NKAIN2: variants seen among roughly 807,000 people sequenced by gnomAD.
NKAIN2 encodes sodium/potassium-transporting ATPase subunit beta-1-interacting protein 2.
In NKAIN2, 14 loss-of-function variants were observed where a neutral mutation model predicts 32.6. That is an observed-to-expected ratio of 0.43 (90% CI 0.28 to 0.67). The LOEUF (loss-of-function observed/expected upper bound fraction) is 0.67, where lower values mean the gene tolerates loss of function less well. Ranked by LOEUF, NKAIN2 falls within the 30% of genes least tolerant of loss-of-function variation. NKAIN2 has a pLI of 0.17. For synonymous variants in NKAIN2, 80 were observed against 87.2 expected, an observed-to-expected ratio of 0.92 and a Z score of 0.46; for missense variants, 198 against 258.3, an observed-to-expected ratio of 0.77 and a Z score of 1.60.
intron 1 of NKAIN2, among the ~76,000 whole-genome samples, chr6:123,949,585 T>G (rs1777230152): frequency 6.6e-6 from 1 of 151,878 alleles, no homozygotes; most frequent in African/African-American, 2.4e-5. Flanking sequence ...ATTGCCTTCT[T>G]GATTTTTTCT....
intron 1 of NKAIN2, among the ~76,000 whole-genome samples, chr6:123,959,971 G>A (rs1777773358): frequency 7.4e-6 from 1 of 135,272 alleles, no homozygotes; most frequent in Non-Finnish European, 1.6e-5. Flanking sequence ...GTGTGTGTGT[G>A]TAACACCATT....
intron 1 of NKAIN2, among the ~76,000 whole-genome samples, chr6:123,930,602 T>C (rs1232069129): frequency 6.6e-6 from 1 of 152,214 alleles, no homozygotes. Context: ...TACCTTGTTT[T>C]GTACAAGTTA....
intron 1 of NKAIN2, among the ~76,000 whole-genome samples, chr6:123,932,668 C>A (rs1041227082): frequency 1.3e-5 from 2 of 151,928 alleles, no homozygotes; most frequent in African/African-American, 4.8e-5. Context: ...CTGCCCGCCT[C>A]GGCCTCCCAA....
rs1780104412 is a variant in NKAIN2 at position 124,546,651 on chromosome 6, G to T, written c.274-111535G>T. ...TTGAATTTGTTGGGACACTACAAAG[G>T]TACATCAAAAGTAGATATGCTTCCC... is the stretch of plus-strand genomic sequence containing the variant. On this transcript the variant is annotated intron_variant, in intron 3 of 6. Transcript: ENST00000368417. 2.0e-5 allele frequency among the ~76,000 whole-genome samples: 3 copies of T among 152,014 alleles called. No individual in the cohort carries two copies. The South Asian group carries it at 6.2e-4, about 32-fold the overall frequency.
intron 3 of NKAIN2, among the ~76,000 whole-genome samples, chr6:124,557,317 G>T (rs1780512672): frequency 6.6e-6 from 1 of 152,036 alleles, no homozygotes; most frequent in Admixed American, 6.6e-5. Context: ...AAAAAGTAGA[G>T]ATTTTTCTAA....
At chr6:124,725,411 C>T (rs1218209314) in intron 4 of NKAIN2, among the ~76,000 whole-genome samples, 2 of 152,102 alleles carry the variant, frequency 1.3e-5, no homozygotes, top group Admixed American at 1.3e-4. Context: ...GCCCCTTATG[C>T]TATTTTTAAG....
chr6:124,597,211 T>C (rs1782128033), intron 3 of NKAIN2, among the ~76,000 whole-genome samples: 1 of 152,118 alleles, frequency 6.6e-6, no homozygotes, highest in African/African-American at 2.4e-5. Context: ...AATTAATCAT[T>C]GCACCATCCC....
At chr6:124,814,227 C>A (rs1028523027) in intron 5 of NKAIN2, among the ~76,000 whole-genome samples, 1 of 152,154 alleles carries the variant, frequency 6.6e-6, no homozygotes, top group African/African-American at 2.4e-5. Flanking sequence ...GATGCCTATT[C>A]TTCTCCCTGA....
chr6:124,687,730 T>C lies in NKAIN2; in HGVS notation c.474+29344T>C, dbSNP rs1299731401. Among the ~76,000 whole-genome samples the C allele has an allele frequency of 1.2e-4, 7 of 60,036 alleles. No individual in the cohort carries two copies. In the Admixed American group the frequency reaches 1.6e-3, roughly 14 times the overall value. The allele number at this position is 60,036 out of a possible 152,430, so 39.4% of individuals were successfully genotyped here. A position where few individuals can be genotyped will look rare whatever the true frequency, so the allele number is the denominator to read the frequency against. On this transcript the variant is annotated intron_variant, in intron 4 of 6. Coordinates refer to ENST00000368417, the MANE Select transcript of NKAIN2 (RefSeq NM_001040214.3). ...ATGAATATAATATATATAATATAAA[T>C]ATATATGATATATACACACACACAC...
At chr6:124,796,217 GC>G (rs561192702) in intron 5 of NKAIN2, among the ~76,000 whole-genome samples, 1 of 152,210 alleles carries the variant, frequency 6.6e-6, no homozygotes, top group Admixed American at 6.5e-5. Flanking sequence ...ACAGAAATTT[GC>G]TCTCCAAAAT....
rs1459379218 is a variant in NKAIN2, at chr6:124,343,709, T to C, written c.193-11558T>C. ...TTTTTTCTTGTAAATTTGTTTGAGT[T>C]CATTGTAGATTCTGGATATTAGCCC... On this transcript the variant is annotated intron_variant, in intron 2 of 6. Transcript: ENST00000368417. Among the ~76,000 whole-genome samples, 4 of 149,790 alleles carry C rather than the reference T, an allele frequency of 2.7e-5. 1 individual carries two copies. The highest frequency in any genetic ancestry group is 9.7e-5 in the African/African-American group (4 of 41,186).
intron 2 of NKAIN2, among the ~76,000 whole-genome samples, chr6:124,351,262 A>G (rs1798712580): frequency 6.6e-6 from 1 of 152,090 alleles, no homozygotes; most frequent in African/African-American, 2.4e-5. Flanking sequence ...ATCAGTTAAT[A>G]TGAGAAGTTT....
intron 1 of NKAIN2, among the ~76,000 whole-genome samples, chr6:123,888,216 C>A (rs1010975939): frequency 5.3e-5 from 8 of 151,944 alleles, no homozygotes; most frequent in Admixed American, 2.0e-4. Flanking sequence ...TTTAATATTA[C>A]TAATTTAATA....
At chr6:124,726,405 C>T (rs1203495420) in intron 4 of NKAIN2, among the ~76,000 whole-genome samples, 7 of 152,316 alleles carry the variant, frequency 4.6e-5, no homozygotes, top group East Asian at 1.9e-4. Context: ...TGACCCATGA[C>T]CCCTGAGCAG....
chr6:124,256,141 G>A (rs1195548775), intron 1 of NKAIN2, among the ~76,000 whole-genome samples: 1 of 152,098 alleles, frequency 6.6e-6, no homozygotes, highest in African/African-American at 2.4e-5. Flanking sequence ...TTATCTTTGG[G>A]CACTGAGGTT....
In NKAIN2 at chr6:124,823,497, C is replaced by T. The variant is rs1781475709; in HGVS notation, c.*268C>T. ...CATCTTGGATTTCCTGAAAGCAGGC[C>T]CCTTTCTCCCAGGCCTTCGGAAAGT... On this transcript the variant is annotated 3_prime_UTR_variant, in exon 7 of 7. Coordinates refer to ENST00000368417, the MANE Select transcript of NKAIN2 (RefSeq NM_001040214.3). The T allele has an allele frequency of 2.3e-6, 1 of 426,770 alleles. No individual in the cohort carries two copies. 26.4% of individuals were successfully genotyped at this position (426,770 alleles called of 1,614,324 possible).
At chr6:124,135,302 C>T (rs528137241) in intron 1 of NKAIN2, among the ~76,000 whole-genome samples, 22 of 151,774 alleles carry the variant, frequency 1.4e-4, no homozygotes, top group African/African-American at 5.1e-4. Flanking sequence ...TGTAAATGGC[C>T]TAAATGCTCC....
At chr6:124,197,083 A>G in intron 1 of NKAIN2, among the ~76,000 whole-genome samples, 1 of 151,420 alleles carries the variant, frequency 6.6e-6, no homozygotes, top group Admixed American at 6.6e-5. Flanking sequence ...AATTTTCTTT[A>G]TATATATTTA....
At chr6:124,366,164 GAAA>G (rs1266929913) in intron 3 of NKAIN2, among the ~76,000 whole-genome samples, 2 of 151,846 alleles carry the variant, frequency 1.3e-5, no homozygotes, top group Non-Finnish European at 2.9e-5. Flanking sequence ...TACAATAGGG[GAAA>G]AAAAGCAATA....
Sources: allele counts gnomAD v4.1 joint callset (sites outside exome capture counted in the v4.1 genomes callset), GRCh38; gene constraint gnomAD v4.1.1; transcripts MANE v1.5; gene names NCBI Gene and HGNC (gene_info 2026-07-23, HGNC 2026-07-21).